NALF1: variants seen among roughly 807,000 people sequenced by gnomAD.
The protein encoded by NALF1 is NALCN channel auxiliary factor 1.
In NALF1, 3 loss-of-function variants were observed where a neutral mutation model predicts 48.4. The ratio of observed to expected loss-of-function variants is 0.06; its 90% CI spans 0.03 to 0.16. The LOEUF (loss-of-function observed/expected upper bound fraction) is 0.16, where lower values mean the gene tolerates loss of function less well. Ranked by LOEUF, NALF1 falls within the 10% of genes least tolerant of loss-of-function variation. NALF1 has a pLI of 1.00. For missense variants in NALF1, 526 were observed against 571.5 expected, an observed-to-expected ratio of 0.92 and a Z score of 0.81; for synonymous variants, 262 against 245.7, an observed-to-expected ratio of 1.07 and a Z score of -0.62.
intron 1 of NALF1, among the ~76,000 whole-genome samples, chr13:107,212,564 G>T (rs931910548): frequency 1.3e-5 from 2 of 152,192 alleles, no homozygotes; most frequent in African/African-American, 4.8e-5. Context: ...CAAGAGGCTG[G>T]AAGCACCAGC....
intron 1 of NALF1, among the ~76,000 whole-genome samples, chr13:107,464,902 A>C (rs1441536121): frequency 6.6e-6 from 1 of 152,192 alleles, no homozygotes; most frequent in African/African-American, 2.4e-5. Flanking sequence ...CCACTTGATG[A>C]AATTTCAAGT....
chr13:107,273,137 T>C (rs747946225), intron 1 of NALF1, among the ~76,000 whole-genome samples: 5 of 152,206 alleles, frequency 3.3e-5, no homozygotes, highest in African/African-American at 4.8e-5. Context: ...AATATTCTTA[T>C]GCACTCCCCC....
In NALF1 at chr13:107,528,094, A is replaced by C. The variant is rs143610150; in HGVS notation, c.916-317339T>G. Among the ~76,000 whole-genome samples, 737 of 152,292 alleles carry C rather than the reference A, an allele frequency of 4.8e-3. 4 individuals are homozygous for C. The highest frequency in any genetic ancestry group is 0.015 in the African/African-American group (623 of 41,574). On this transcript the variant is annotated intron_variant, in intron 1 of 2. Coordinates refer to ENST00000375915, the MANE Select transcript of NALF1 (RefSeq NM_001080396.3). ...AAAAATGCGAGTATATATAAACATA[A>C]ACATGCTTAAATAGTCAATTATTTG...
At chr13:107,264,016 T>C (rs74114033) in intron 1 of NALF1, among the ~76,000 whole-genome samples, 9,672 of 152,276 alleles carry the variant, frequency 0.064, 491 homozygotes, top group African/African-American at 0.12. Context: ...ATTTGATTAA[T>C]GCAAAGAGTA....
intron 1 of NALF1, among the ~76,000 whole-genome samples, chr13:107,660,676 G>A (rs1484516954): frequency 6.6e-6 from 1 of 152,016 alleles, no homozygotes; most frequent in African/African-American, 2.4e-5. Flanking sequence ...AAAATACTCT[G>A]TGAGATACAC....
intron 1 of NALF1, among the ~76,000 whole-genome samples, chr13:107,493,230 T>C (rs1358942726): frequency 6.6e-6 from 1 of 152,066 alleles, no homozygotes. Context: ...GAAATGGCAA[T>C]GAATGAAATG....
intron 1 of NALF1, among the ~76,000 whole-genome samples, chr13:107,535,137 T>C (rs1359650012): frequency 6.6e-6 from 1 of 152,146 alleles, no homozygotes; most frequent in Non-Finnish European, 1.5e-5. Flanking sequence ...CAGGGACAAT[T>C]TGACTTCCTC....
chr13:107,757,466 AATG>A lies in NALF1; in HGVS notation c.915+108213_915+108215del, dbSNP rs1035557290. ...ACAGGTACTATCGAAAGTCTATGTG[AATG>A]ATAAGGGGCTAGAAATCTATACAAA... On this transcript the variant is annotated intron_variant, in intron 1 of 2. Coordinates refer to ENST00000375915, the MANE Select transcript of NALF1 (RefSeq NM_001080396.3). Among the ~76,000 whole-genome samples the A allele has an allele frequency of 4.3e-5, 6 of 141,100 alleles. No homozygotes were observed. The East Asian group carries it at 6.4e-4, about 15-fold the overall frequency. 92.6% of individuals were successfully genotyped at this position (141,100 alleles called of 152,430 possible).
At chr13:107,355,344 C>T (rs1566493908) in intron 1 of NALF1, among the ~76,000 whole-genome samples, 1 of 152,198 alleles carries the variant, frequency 6.6e-6, no homozygotes, top group Non-Finnish European at 1.5e-5. Flanking sequence ...GAACATTATG[C>T]ATGAGACTTG....
intron 1 of NALF1, among the ~76,000 whole-genome samples, chr13:107,321,926 A>T (rs1882263341): frequency 6.6e-6 from 1 of 151,986 alleles, no homozygotes; most frequent in Non-Finnish European, 1.5e-5. Flanking sequence ...GTAGAGTGAG[A>T]TTTTTCCTCT....
intron 1 of NALF1, among the ~76,000 whole-genome samples, chr13:107,708,636 T>C (rs1875474442): frequency 6.6e-6 from 1 of 152,228 alleles, no homozygotes; most frequent in Admixed American, 6.5e-5. Context: ...TTTACAAATA[T>C]GCTATTGTTG....
At chr13:107,332,433 T>G (rs1882485550) in intron 1 of NALF1, among the ~76,000 whole-genome samples, 1 of 152,224 alleles carries the variant, frequency 6.6e-6, no homozygotes, top group Non-Finnish European at 1.5e-5. Flanking sequence ...CTTACTGTGA[T>G]AGTTCACAGA....
intron 1 of NALF1, among the ~76,000 whole-genome samples, chr13:107,437,011 G>A (rs9520443): frequency 0.62 from 94,394 of 151,722 alleles, 31,136 homozygotes; most frequent in Middle Eastern, 0.8. Context: ...AGTGGTATCC[G>A]GGACATACAA....
At chr13:107,660,361 G>A (rs895496831) in intron 1 of NALF1, among the ~76,000 whole-genome samples, 14 of 151,078 alleles carry the variant, frequency 9.3e-5, no homozygotes, top group African/African-American at 3.4e-4. Flanking sequence ...CTTGAACCTG[G>A]GGGCAGAGGT....
chr13:107,614,094 G>A (rs1879311671), intron 1 of NALF1, among the ~76,000 whole-genome samples: 1 of 152,214 alleles, frequency 6.6e-6, no homozygotes, highest in South Asian at 2.1e-4. Context: ...AGATTTGAGA[G>A]GAGGAGTTTA....
At chr13:107,844,845 C>T (rs1458923097) in intron 1 of NALF1, among the ~76,000 whole-genome samples, 3 of 152,084 alleles carry the variant, frequency 2.0e-5, no homozygotes, top group African/African-American at 4.8e-5. Context: ...TAGGGATAGG[C>T]GTTTCTGAGA....
At chr13:107,750,832 T>C (rs925616940) in intron 1 of NALF1, among the ~76,000 whole-genome samples, 8 of 152,246 alleles carry the variant, frequency 5.3e-5, no homozygotes, top group African/African-American at 1.7e-4. Context: ...GAATGTTTCA[T>C]GTGCTCTGTA....
intron 1 of NALF1, among the ~76,000 whole-genome samples, chr13:107,800,984 A>G (rs1878596545): frequency 6.6e-6 from 1 of 152,002 alleles, no homozygotes; most frequent in South Asian, 2.1e-4. Context: ...AATTTCCTCA[A>G]TCGCATTTCA....
chr13:107,819,286 T>C (rs1477184166), intron 1 of NALF1, among the ~76,000 whole-genome samples: 1 of 152,206 alleles, frequency 6.6e-6, no homozygotes, highest in Non-Finnish European at 1.5e-5. Context: ...ACTCCCAATG[T>C]TAACACAATG....
Sources: allele counts gnomAD v4.1 joint callset (sites outside exome capture counted in the v4.1 genomes callset), GRCh38; gene constraint gnomAD v4.1.1; transcripts MANE v1.5; gene names NCBI Gene and HGNC (gene_info 2026-07-23, HGNC 2026-07-21).